RTCB: variants seen among roughly 807,000 people sequenced by gnomAD.
RTCB encodes the protein RNA 2',3'-cyclic phosphate and 5'-OH ligase, also known as RNA-splicing ligase RTCB.
RTCB carries 32 observed loss-of-function variants against 58.2 expected under a neutral mutation model. The ratio of observed to expected loss-of-function variants is 0.55; its 90% CI spans 0.41 to 0.74. RTCB has a LOEUF of 0.74. Among genes scored for constraint, RTCB ranks in the 30% least tolerant of loss-of-function variants. The pLI is 0.00. For missense variants in RTCB, 523 were observed against 639.0 expected (o/e 0.82, Z 1.96); for synonymous variants, 247 against 218.6 (o/e 1.13, Z -1.15).
chr22:32,402,535 C>T (rs1056178961), intron 4 of RTCB, among the ~76,000 whole-genome samples: 21 of 151,948 alleles, frequency 1.4e-4, no homozygotes, highest in African/African-American at 3.1e-4. Context: ...CTGCAACCTC[C>T]GCCTCCTGCA....
chr22:32,401,586 A>G, intron 5 of RTCB, 161 bp downstream of exon 5: 1 of 687,692 alleles, frequency 1.5e-6, no homozygotes. Flanking sequence ...AATGTCTCCA[A>G]TAAATGGGCT....
chr22:32,406,608 A>C lies in RTCB; in HGVS notation c.340+54T>G, dbSNP rs1471836969. 9.4e-6 allele frequency: 12 copies of C among 1,273,220 alleles called. No individual in the cohort carries two copies. In the Admixed American group the frequency reaches 2.0e-4, roughly 22 times the overall value. 78.9% of individuals were successfully genotyped at this position (1,273,220 alleles called of 1,614,324 possible). A position where few individuals can be genotyped will look rare whatever the true frequency, so the allele number is the denominator to read the frequency against. ...AGTGCTGGGATTACAGACGTGAGCC[A>C]CCGTGCCCGGCCAATGCTACACACT... On this transcript the variant is annotated intron_variant, in intron 4 of 11. Transcript: ENST00000216038.
chr22:32,410,038 G>T (rs186315917), intron 1 of RTCB, among the ~76,000 whole-genome samples: 42 of 152,054 alleles, frequency 2.8e-4, no homozygotes, highest in Admixed American at 2.8e-3. Context: ...GGATGGTCTC[G>T]ATCTCCTGAC....
chr22:32,387,988 G>A lies in RTCB; in HGVS notation c.*4C>T, dbSNP rs1402110443. On this transcript the variant is annotated 3_prime_UTR_variant, in exon 12 of 12. Transcript: ENST00000216038. Reference sequence around the variant, plus strand: ...GGTGTCAGGCAGCCCTGCTGTCCAAGGTTCTATCCTTTGATCACAGCAATT... The same window carrying A: ...GGTGTCAGGCAGCCCTGCTGTCCAAAGTTCTATCCTTTGATCACAGCAATT... The A allele has an allele frequency of 1.3e-6, 2 of 1,596,688 alleles. No individual in the cohort carries two copies. Among genetic ancestry groups the A allele is most frequent in the Non-Finnish European group, 1.7e-6 (2 of 1,164,322 alleles).
At chr22:32,407,487 TCTTGCCATTTC>T (rs1933447020) in intron 3 of RTCB, 1 of 152,432 alleles carries the variant, frequency 6.6e-6, no homozygotes, top group Non-Finnish European at 1.5e-5. Context: ...CCCTTAAACT[TCTTGCCATTTC>T]TTCTTCAATG....
chr22:32,410,802 A>T (rs947418136), intron 1 of RTCB, among the ~76,000 whole-genome samples: 1 of 150,920 alleles, frequency 6.6e-6, no homozygotes, highest in African/African-American at 2.4e-5. Flanking sequence ...TGCAGCCAAG[A>T]TCTCCCAGGC....
chr22:32,408,627 G>A, intron 2 of RTCB, 128 bp downstream of exon 2: 2 of 703,422 alleles, frequency 2.8e-6, no homozygotes, highest in Non-Finnish European at 5.0e-6. Context: ...AAGTGCTTTT[G>A]GTCTTACTTT....
chr22:32,393,808 C>T (rs898490490), intron 10 of RTCB, 84 bp downstream of exon 10: 1 of 933,464 alleles, frequency 1.1e-6, no homozygotes, highest in African/African-American at 1.6e-5. Flanking sequence ...TGTTAATGTT[C>T]AATCAGCTAC....
At chr22:32,394,888 A>G in intron 9 of RTCB, 138 bp downstream of exon 9, 1 of 734,474 alleles carries the variant, frequency 1.4e-6, no homozygotes, top group Non-Finnish European at 2.2e-6. Flanking sequence ...TTCAGAGAAG[A>G]TTGGGAATCA....
At chr22:32,393,085 C>T (rs946075357) in intron 10 of RTCB, among the ~76,000 whole-genome samples, 2 of 152,174 alleles carry the variant, frequency 1.3e-5, no homozygotes, top group Non-Finnish European at 2.9e-5. Flanking sequence ...TACAGGTGTG[C>T]CACCACACCC....
At chr22:32,390,169 T>A (rs979946514) in intron 11 of RTCB, among the ~76,000 whole-genome samples, 1 of 152,324 alleles carries the variant, frequency 6.6e-6, no homozygotes, top group South Asian at 2.1e-4. Flanking sequence ...TCATAGAACT[T>A]GCATGGTCAT....
intron 1 of RTCB, among the ~76,000 whole-genome samples, chr22:32,410,644 A>C (rs916165698): frequency 6.6e-6 from 1 of 152,174 alleles, no homozygotes; most frequent in African/African-American, 2.4e-5. Context: ...AGGCTGAGTC[A>C]GAACACCTGC....
At chr22:32,397,019 A>G (rs1357807436) in intron 7 of RTCB, among the ~76,000 whole-genome samples, 4 of 152,196 alleles carry the variant, frequency 2.6e-5, no homozygotes, top group African/African-American at 7.2e-5. Flanking sequence ...GAAGCCTGTT[A>G]GCAATAATAT....
chr22:32,399,020 T>C (rs562757270), intron 6 of RTCB, among the ~76,000 whole-genome samples: 4 of 152,344 alleles, frequency 2.6e-5, no homozygotes, highest in South Asian at 2.1e-4. Flanking sequence ...ATCTAGTATA[T>C]TCTTATCTCA....
At chr22:32,408,593 C>T (rs989581118) in intron 2 of RTCB, among the ~76,000 whole-genome samples, 162 bp downstream of exon 2, 1 of 152,238 alleles carries the variant, frequency 6.6e-6, no homozygotes, top group African/African-American at 2.4e-5. Flanking sequence ...CGCCAACTGG[C>T]TGACAATGTG....
At chr22:32,395,281 C>A in intron 8 of RTCB, 67 bp from the exon 9 acceptor site, 1 of 1,372,006 alleles carries the variant, frequency 7.3e-7, no homozygotes. Flanking sequence ...CTTCGTGACT[C>A]ATCTCACTGG....
chr22:32,408,545 C>G (rs1203879719), intron 2 of RTCB, among the ~76,000 whole-genome samples: 1 of 152,230 alleles, frequency 6.6e-6, no homozygotes, highest in Non-Finnish European at 1.5e-5. Flanking sequence ...TTCTACCCAG[C>G]TTCAAATTCC....
intron 6 of RTCB, 61 bp downstream of exon 6, chr22:32,399,541 TC>T (rs1394764147): frequency 1.1e-5 from 16 of 1,458,610 alleles, no homozygotes; most frequent in Non-Finnish European, 1.3e-5. Flanking sequence ...TAGATTTTTT[TC>T]CCCCAATAAA....
intron 3 of RTCB, chr22:32,407,538 C>T (rs546973177): frequency 6.6e-6 from 1 of 152,312 alleles, no homozygotes; most frequent in Non-Finnish European, 1.5e-5. Context: ...AAACTTACAA[C>T]CAAGCGAAAC....
Sources: gnomAD v4.1 joint callset for allele counts (sites outside exome capture counted in the v4.1 genomes callset) on GRCh38, gnomAD v4.1.1 for gene constraint, MANE v1.5 for transcripts, NCBI Gene and HGNC (gene_info 2026-07-23, HGNC 2026-07-21) for gene names.